IQGAP2: variants seen among roughly 807,000 people sequenced by gnomAD.
IQGAP2 encodes the protein ras GTPase-activating-like protein IQGAP2.
In IQGAP2, 173 loss-of-function variants were observed where a neutral mutation model predicts 201.3. That is an observed-to-expected ratio of 0.86 (90% CI 0.76 to 0.98). IQGAP2 has a LOEUF of 0.98. Ranked by LOEUF, IQGAP2 falls within the 50% of genes least tolerant of loss-of-function variation. IQGAP2 has a pLI of 0.00. For synonymous variants in IQGAP2, 675 were observed against 673.9 expected (o/e 1.00, Z -0.03); for missense variants, 1,687 against 1,864.8 (o/e 0.90, Z 1.76).
chr5:76,433,151 C>G (rs2150093860), intron 1 of IQGAP2, among the ~76,000 whole-genome samples: 1 of 152,284 alleles, frequency 6.6e-6, no homozygotes, highest in African/African-American at 2.4e-5. Flanking sequence ...CACGTTTACT[C>G]TGATGGTTAT....
chr5:76,484,583 T>C (rs906278611), intron 2 of IQGAP2, among the ~76,000 whole-genome samples: 21 of 152,218 alleles, frequency 1.4e-4, no homozygotes, highest in African/African-American at 5.1e-4. Flanking sequence ...TTTTTTTTTC[T>C]TTAGAAACGG....
intron 2 of IQGAP2, among the ~76,000 whole-genome samples, chr5:76,508,690 G>T (rs1405908719): frequency 8.8e-4 from 131 of 148,616 alleles, no homozygotes; most frequent in Admixed American, 1.9e-3. Context: ...TTTTTTTTTT[G>T]TTTTGTTTTG....
At chr5:76,668,904 C>A in intron 23 of IQGAP2, 60 bp downstream of exon 23, 2 of 1,077,932 alleles carry the variant, frequency 1.9e-6, no homozygotes, top group Non-Finnish European at 1.3e-6. Context: ...TTAGTGGTGG[C>A]TGTCTTTGAT....
At chr5:76,525,691 A>C (rs1352361273) in intron 2 of IQGAP2, among the ~76,000 whole-genome samples, 1 of 152,216 alleles carries the variant, frequency 6.6e-6, no homozygotes. Flanking sequence ...AAATGCATAA[A>C]ATAAGCTGGA....
Position 76,699,903 on chromosome 5 carries a change from TTCTCTCTCTCTC to T in IQGAP2, c.4368-1144_4368-1133del, listed in dbSNP as rs1186832045. ...TCATTTGCTTCAGGCTTCTTTCTGT[TTCTCTCTCTCTC>T]TCTCTCTCTCTCTCTCTCTCTCTCT... On this transcript the variant is annotated intron_variant, in intron 33 of 35. Transcript: ENST00000274364. Among the ~76,000 whole-genome samples, 25 of 7,086 alleles carry T rather than the reference TTCTCTCTCTCTC, an allele frequency of 3.5e-3. 2 individuals carry two copies. Among genetic ancestry groups the T allele is most frequent in the African/African-American group, 8.7e-3 (9 of 1,040 alleles). 4.6% of individuals were successfully genotyped at this position (7,086 alleles called of 152,430 possible).
At chr5:76,702,719 A>AAACCAGTGCCAGCC in intron 35 of IQGAP2, 129 bp downstream of exon 35, 16 of 583,096 alleles carry the variant, frequency 2.7e-5, no homozygotes, top group South Asian at 4.5e-5. Context: ...TTATTTGCCA[A>AAACCAGTGCCAGCC]TATTTGTTAA....
At chr5:76,581,396 A>G (rs1342724431) in intron 5 of IQGAP2, among the ~76,000 whole-genome samples, 3 of 152,196 alleles carry the variant, frequency 2.0e-5, no homozygotes, top group Non-Finnish European at 2.9e-5. Context: ...CTCTAATCCT[A>G]GGTTCTCAGA....
intron 27 of IQGAP2, among the ~76,000 whole-genome samples, chr5:76,676,461 A>G (rs1428380328): frequency 1.3e-5 from 2 of 152,366 alleles, no homozygotes; most frequent in East Asian, 1.9e-4. Context: ...GATGCCGACA[A>G]TGATTTCAGG....
In IQGAP2 at chr5:76,611,105, G is replaced by A. The variant is rs777301481; in HGVS notation, c.1443G>A (p.Ala481=). The change falls in exon 13 of 36, where the codon GCG becomes GCA. Residue 481 remains alanine (A), a synonymous_variant. Transcript: ENST00000274364. ...TAGAAACTTTGCTCCTACCTACTGC[G>A]AATATTAGTGATGTGGACCCAGCCC... ...RTLETLLLPT[A]NISDVDPAHA... 3.3e-5 allele frequency: 53 copies of A among 1,613,768 alleles called. No individual in the cohort carries two copies. In the East Asian group the frequency reaches 3.3e-4, roughly 10 times the overall value.
intron 1 of IQGAP2, among the ~76,000 whole-genome samples, chr5:76,438,008 G>GTTTTTTTTTTTTTTTTT (rs768892670): frequency 1.1e-4 from 10 of 91,028 alleles, no homozygotes; most frequent in East Asian, 4.4e-4. Context: ...TTGGTCTGTA[G>GTTTTTTTTTTTTTTTTT]TTTTTTTTTT....
intron 1 of IQGAP2, among the ~76,000 whole-genome samples, chr5:76,429,301 G>C (rs1035780626): frequency 2.6e-5 from 4 of 151,568 alleles, no homozygotes; most frequent in African/African-American, 4.9e-5. Flanking sequence ...GGCTGGGCGT[G>C]GTGGCTCACA....
At chr5:76,505,603 G>C (rs566465887) in intron 2 of IQGAP2, among the ~76,000 whole-genome samples, 25 of 152,254 alleles carry the variant, frequency 1.6e-4, no homozygotes, top group African/African-American at 5.5e-4. Flanking sequence ...GGGAGCTGTA[G>C]AGCTAGATCA....
rs567937840 is a variant in IQGAP2 at position 76,483,331 on chromosome 5, CCT to C, written c.146+21665_146+21666del. Among the ~76,000 whole-genome samples, 174 of 152,224 alleles carry C rather than the reference CCT, an allele frequency of 1.1e-3. 2 individuals are homozygous for C. In the Middle Eastern group the frequency reaches 0.014, roughly 12 times the overall value. ...GTTGTAGCACCGGGAGAGTAGGAGA[CCT>C]CTTTTTAAACCTAGAAGTATATGCA... On this transcript the variant is annotated intron_variant, in intron 2 of 35. Coordinates refer to ENST00000274364, the MANE Select transcript of IQGAP2 (RefSeq NM_006633.5).
At chr5:76,483,861 C>T (rs1438306528) in intron 2 of IQGAP2, among the ~76,000 whole-genome samples, 3 of 152,204 alleles carry the variant, frequency 2.0e-5, no homozygotes, top group Non-Finnish European at 1.5e-5. Context: ...AAACAGACAG[C>T]TCCTTAGCCT....
At chr5:76,683,084 TC>T in intron 28 of IQGAP2, 30 bp from the exon 29 acceptor site, 1 of 1,390,492 alleles carries the variant, frequency 7.2e-7, no homozygotes, top group Non-Finnish European at 1.0e-6. Flanking sequence ...TTTACTTTTT[TC>T]TTTGTGTGTG....
intron 2 of IQGAP2, among the ~76,000 whole-genome samples, chr5:76,499,247 A>C (rs915069390): frequency 6.6e-6 from 1 of 152,086 alleles, no homozygotes; most frequent in South Asian, 2.1e-4. Context: ...GCTGCCATAA[A>C]CTTGGTTGTC....
At chr5:76,552,638 A>C (rs1385663451) in intron 2 of IQGAP2, among the ~76,000 whole-genome samples, 2 of 152,166 alleles carry the variant, frequency 1.3e-5, no homozygotes, top group Non-Finnish European at 2.9e-5. Context: ...ATTTTATAAC[A>C]AGGATTGCCT....
At chr5:76,560,419 A>G (rs957203909) in intron 2 of IQGAP2, among the ~76,000 whole-genome samples, 2 of 151,972 alleles carry the variant, frequency 1.3e-5, no homozygotes, top group African/African-American at 4.8e-5. Flanking sequence ...ACCCTCCCAA[A>G]GTGCTGGAAT....
chr5:76,474,720 G>A (rs1755307864), intron 2 of IQGAP2, among the ~76,000 whole-genome samples: 1 of 152,160 alleles, frequency 6.6e-6, no homozygotes, highest in Admixed American at 6.5e-5. Context: ...CTGCATCAAG[G>A]TCACTTGGAT....
Sources: gnomAD v4.1 joint callset for allele counts (sites outside exome capture counted in the v4.1 genomes callset) on GRCh38, gnomAD v4.1.1 for gene constraint, MANE v1.5 for transcripts, NCBI Gene and HGNC (gene_info 2026-07-23, HGNC 2026-07-21) for gene names.